Variants in ABCA2 observed in about 807,000 individuals in gnomAD.
ABCA2 encodes ATP binding cassette subfamily A member 2.
In ABCA2, 84 loss-of-function variants were observed where a neutral mutation model predicts 262.8. That is an observed-to-expected ratio of 0.32 (90% CI 0.27 to 0.38). ABCA2 has a LOEUF of 0.38. Ranked by LOEUF, ABCA2 falls within the 10% of genes least tolerant of loss-of-function variation. The pLI, the probability that ABCA2 is intolerant of heterozygous loss-of-function variation, is 1.00. For missense variants in ABCA2, 2,662 were observed against 3,405.9 expected (o/e 0.78, Z 5.44); for synonymous variants, 1,696 against 1,502.9 (o/e 1.13, Z -2.97).
chr9:137,023,591 G>A (rs1831551385), intron 3 of ABCA2: 8 of 740,588 alleles, frequency 1.1e-5, no homozygotes, highest in South Asian at 5.6e-5. Context: ...GCAAGGCCAG[G>A]CAGAGAGATG....
At chr9:137,023,992 G>A (rs1588529834) in intron 2 of ABCA2, 151 bp downstream of exon 2, 1 of 1,532,708 alleles carries the variant, frequency 6.5e-7, no homozygotes, top group Admixed American at 2.0e-5. Flanking sequence ...AGCCCAGCCA[G>A]GAGGCACGGC....
chr9:137,015,933 C>CGGG, intron 22 of ABCA2, 29 bp downstream of exon 22: 1 of 1,500,286 alleles, frequency 6.7e-7, no homozygotes, highest in Non-Finnish European at 9.0e-7. Flanking sequence ...CTCCGCCCAC[C>CGGG]TGCCCCGCCC....
At position 137,008,880 on chromosome 9, in the gene ABCA2, G is replaced by T; in HGVS notation, c.6931-12C>A. ...GTGTGGTGCCGCTCCTGCAGGGGGG[G>T]AGGTCAGAGGCCTGGCAGCGCCCCC... On this transcript the variant is annotated splice_polypyrimidine_tract_variant and intron_variant, in intron 46 of 48. Coordinates refer to ENST00000341511, the MANE Select transcript of ABCA2 (RefSeq NM_001606.5). The T allele has an allele frequency of 6.2e-7, 1 of 1,603,384 alleles. No individual in the cohort carries two copies. Among genetic ancestry groups the T allele is most frequent in the Non-Finnish European group, 8.5e-7 (1 of 1,179,332 alleles).
chr9:137,008,563 C>T lies in ABCA2; in HGVS notation c.7128G>A (p.Pro2376=), dbSNP rs776226464. The part of the protein sequence containing the change: ...SDNLEQQETE[P]PSALQSPLGC... ...CGAGAGGGGACTGCAGTGCGGATGG[C>T]GGCTCCGTCTCCTGCTGCTCCAGGT... The change falls in exon 48 of 49, where the codon CCG becomes CCA. Residue 2376 remains proline, a synonymous_variant. Transcript: ENST00000341511. 1.2e-5 allele frequency: 19 copies of T among 1,607,588 alleles called. No individual in the cohort carries two copies. The Middle Eastern group carries it at 5.0e-4, about 42-fold the overall frequency.
chr9:137,008,778 C>T lies in ABCA2; in HGVS notation c.7021G>A (p.Val2341Met), dbSNP rs770807217. 2.6e-5 allele frequency: 41 copies of T among 1,598,274 alleles called. No homozygotes were observed. Among genetic ancestry groups the T allele is most frequent in the South Asian group, 6.7e-5 (6 of 88,912 alleles). ...VFSKMEQVSG[V>M]LGIEDYSVSQ... ...ACCGAGTAGTCCTCGATGCCCAGCA[C>T]GCCAGACACCTGCTCCATCTTGCTG... The change falls in exon 47 of 49, where the codon GTG becomes ATG. Residue 2341 changes from valine (V) to methionine (M), a missense_variant. Physicochemically the swap from Val to Met is conservative, Grantham distance 21. Around this residue, in one of 12 missense-constraint regions of ABCA2, gnomAD observed 212 missense variants for 214.4 expected, o/e 0.99. Coordinates refer to ENST00000341511, the MANE Select transcript of ABCA2 (RefSeq NM_001606.5).
At chr9:137,022,274 T>A in intron 6 of ABCA2, 77 bp downstream of exon 6, 5 of 1,466,814 alleles carry the variant, frequency 3.4e-6, no homozygotes, top group South Asian at 1.4e-5. Flanking sequence ...CTGAGCATCC[T>A]GAGGATGGCT....
rs547445343 is a variant in ABCA2 at position 137,027,064 on chromosome 9, A to G, written c.66+1011T>C. Among the ~76,000 whole-genome samples the G allele has an allele frequency of 7.2e-4, 110 of 152,346 alleles. 2 individuals are homozygous for G. The Middle Eastern group carries it at 0.014, about 19-fold the overall frequency. On this transcript the variant is annotated intron_variant, in intron 1 of 48. Transcript: ENST00000341511. The stretch of plus-strand genomic sequence containing the variant: ...AAGATAAACAGGCACGGACTGGTGC[A>G]GCCCAAGGGGTCCCGCCCGGGCCCT...
rs760599172 is a variant in ABCA2 at position 137,022,997 on chromosome 9, C to A, written c.219G>T (p.Ser73=). The A allele has an allele frequency of 6.3e-7, 1 of 1,595,842 alleles. No individual in the cohort carries two copies. Among genetic ancestry groups the A allele is most frequent in the Admixed American group, 1.7e-5 (1 of 57,540 alleles). The part of the protein sequence containing the change: ...TSAGILPVMQ[S]LCPDGQRDEF... ...CGTCTCGCTGGCCGTCCGGGCACAG[C>A]GATTGCATGACAGGCAGGATGCCGG... Residue 73 remains serine, a synonymous_variant, in exon 4 of 49, where the codon TCG becomes TCT. Transcript: ENST00000341511.
In ABCA2 at chr9:137,021,938, G is replaced by T. The variant is rs757501940; in HGVS notation, c.631C>A (p.Gln211Lys). The T allele has an allele frequency of 6.2e-7, 1 of 1,605,854 alleles. No homozygotes were observed. The highest frequency in any genetic ancestry group is 8.5e-7 in the Non-Finnish European group (1 of 1,177,152). ...CCCCCTAGGCGGCTCCAGGGCTCCTGACCCTTGTGGAGGCCAGACTGTGAA... is the reference window on the plus strand; with the variant it reads ...CCCCCTAGGCGGCTCCAGGGCTCCTTACCCTTGTGGAGGCCAGACTGTGAA... The part of the protein sequence containing the change: ...LDSQSGLHKG[Q>K]EPWSRLGGNP... Residue 211 changes from glutamine to lysine, a missense_variant, in exon 7 of 49, where the codon CAG becomes AAG. Around this residue, in one of 12 missense-constraint regions of ABCA2, gnomAD observed 403 missense variants for 375.9 expected, o/e 1.07. Transcript: ENST00000341511. This position sits in a 1 kb window ranked among gnomAD's most constrained non-coding sequence, Gnocchi z 6.0.
In ABCA2 at chr9:137,010,128, G is replaced by A. The variant is rs763577192; in HGVS notation, c.6354-4C>T. The A allele has an allele frequency of 3.6e-5, 57 of 1,591,732 alleles. No individual in the cohort carries two copies. The highest frequency in any genetic ancestry group is 5.1e-5 in the Admixed American group (3 of 59,368). On this transcript the variant is annotated splice_polypyrimidine_tract_variant and splice_region_variant and intron_variant, in intron 41 of 48. Transcript: ENST00000341511. ...CTGGAGCAGCTCCTTCAGCACGCTG[G>A]GGACACGGCAGCTGTCAGCGCGTGA...
chr9:137,024,862 G>T (rs937200352), intron 1 of ABCA2, among the ~76,000 whole-genome samples: 1 of 150,616 alleles, frequency 6.6e-6, no homozygotes, highest in Admixed American at 6.6e-5. Context: ...ACAGTGGTGC[G>T]ATCTCAGCTC....
intron 26 of ABCA2, 64 bp from the exon 27 acceptor site, chr9:137,014,468 C>T (rs1831182723): frequency 3.3e-6 from 5 of 1,509,936 alleles, no homozygotes; most frequent in Non-Finnish European, 4.5e-6. Context: ...GCCCAGGACC[C>T]CCATCCCCGG....
At position 137,014,821 on chromosome 9, in the gene ABCA2, G is replaced by A. The variant is rs368062113; in HGVS notation, c.3883-11C>T. The A allele has an allele frequency of 7.2e-5, 115 of 1,596,242 alleles. No individual in the cohort carries two copies. Among genetic ancestry groups the A allele is most frequent in the Admixed American group, 1.9e-4 (11 of 57,178 alleles). On this transcript the variant is annotated splice_polypyrimidine_tract_variant and intron_variant, in intron 25 of 48. Coordinates refer to ENST00000341511, the MANE Select transcript of ABCA2 (RefSeq NM_001606.5). ...GCTGCGCTCCAGGTGCTGCAGGGGC[G>A]GTGGAGGGGGAGGCTGCGGCAGGGA... is the stretch of plus-strand genomic sequence containing the variant.
rs755939846 is a variant in ABCA2, at chr9:137,011,542, C to T, written c.5664G>A (p.Thr1888=). Residue 1888 remains threonine, a synonymous_variant, in exon 37 of 49, where the codon ACG becomes ACA. Transcript: ENST00000341511. This position sits in a 1 kb window ranked among gnomAD's most constrained non-coding sequence, Gnocchi z 8.8. ...AGAAGGAGGCCGGGTACATGATGGGCGTGATGGACCACCTGCGGGCAGGTG... is the reference window on the plus strand; with the variant it reads ...AGAAGGAGGCCGGGTACATGATGGGTGTGATGGACCACCTGCGGGCAGGTG... ...SLFLLYGWSI[T]PIMYPASFWF... is the part of the protein sequence containing the mutation. 5.1e-6 allele frequency: 8 copies of T among 1,583,792 alleles called. No individual in the cohort carries two copies. The highest frequency in any genetic ancestry group is 4.6e-5 in the East Asian group (2 of 43,360).
chr9:137,025,037 AT>A (rs1831605928), intron 1 of ABCA2, among the ~76,000 whole-genome samples: 1 of 151,980 alleles, frequency 6.6e-6, no homozygotes, highest in African/African-American at 2.4e-5. Flanking sequence ...TGACCTCGTG[AT>A]CCGCCCACCT....
chr9:137,012,554 G>A lies in ABCA2; in HGVS notation c.5118C>T (p.Ser1706=). 6.2e-7 allele frequency: 1 copy of A among 1,612,006 alleles called. No individual in the cohort carries two copies. The highest frequency in any genetic ancestry group is 8.5e-7 in the Non-Finnish European group (1 of 1,179,914). ...GAITFGNVLK[S]IPASFGTRAP... Reference sequence around the variant, plus strand: ...CCCTGGTGCCAAATGAGGCTGGGATGGACTTCAGGACGTTTCCAAAGGTGA... The same window carrying A: ...CCCTGGTGCCAAATGAGGCTGGGATAGACTTCAGGACGTTTCCAAAGGTGA... The change falls in exon 32 of 49, where the codon TCC becomes TCT. Residue 1706 remains serine (S), a synonymous_variant. Transcript: ENST00000341511.
chr9:137,023,917 C>T, intron 2 of ABCA2, 77 bp from the exon 3 acceptor site: 3 of 1,173,860 alleles, frequency 2.6e-6, no homozygotes, highest in East Asian at 2.5e-5. Flanking sequence ...CCAGTGAGTG[C>T]CCACATCACC....
At chr9:137,020,287 C>A (rs1167996329) in intron 10 of ABCA2, 49 bp downstream of exon 10, 2 of 1,605,942 alleles carry the variant, frequency 1.2e-6, no homozygotes, top group Non-Finnish European at 1.7e-6. Context: ...CCTGCAGAGA[C>A]CCCCTCCCAC....
chr9:137,022,305 T>C lies in ABCA2; in HGVS notation c.567+46A>G, dbSNP rs761931359. On this transcript the variant is annotated intron_variant, in intron 6 of 48. Transcript: ENST00000341511. ...TGGCTCAGCAACCAGGGGGCGTGGC[T>C]GGGGCAGAAGGGAGTGGCCAGGGCT... 10 of 1,542,836 alleles carry C rather than the reference T, an allele frequency of 6.5e-6. No individual in the cohort carries two copies. In the East Asian group the frequency reaches 2.1e-4, roughly 32 times the overall value.
Sources: gnomAD v4.1 joint callset for allele counts (sites outside exome capture counted in the v4.1 genomes callset) on GRCh38, gnomAD v4.1.1 for gene constraint, gnomAD v4.1.1 regional missense constraint, Gnocchi (gnomAD v3.1) non-coding constraint, MANE v1.5 for transcripts, NCBI Gene and HGNC (gene_info 2026-07-23, HGNC 2026-07-21) for gene names.